Variants in FNDC3B observed in about 807,000 individuals in gnomAD.
FNDC3B encodes the protein fibronectin type III domain containing 3B.
A neutral mutation model predicts 151.5 loss-of-function variants in FNDC3B; 12 were observed. That is an observed-to-expected ratio of 0.08 (90% CI 0.05 to 0.13). The LOEUF (loss-of-function observed/expected upper bound fraction) is 0.13. Among genes scored for constraint, FNDC3B ranks in the 10% least tolerant of loss-of-function variants. The probability of loss-of-function intolerance (pLI) is 1.00; values close to 1 mark genes in which losing one functional copy is unlikely to be tolerated. For synonymous variants in FNDC3B, 528 were observed against 549.0 expected (o/e 0.96, Z 0.54); for missense variants, 1,214 against 1,505.3 (o/e 0.81, Z 3.20).
chr3:172,286,631 AT>A (rs1243064144), intron 7 of FNDC3B, among the ~76,000 whole-genome samples: 3 of 152,336 alleles, frequency 2.0e-5, no homozygotes, highest in Non-Finnish European at 2.9e-5. Flanking sequence ...GAGTCCAAAC[AT>A]GCCTCAGGGT....
intron 3 of FNDC3B, among the ~76,000 whole-genome samples, chr3:172,142,803 G>T (rs115583515): frequency 6.6e-5 from 10 of 152,202 alleles, no homozygotes; most frequent in East Asian, 5.8e-4. Context: ...AGACCGGGTG[G>T]CTTATTAACA....
At chr3:172,059,151 G>A (rs1001582467) in intron 1 of FNDC3B, among the ~76,000 whole-genome samples, 1 of 152,100 alleles carries the variant, frequency 6.6e-6, no homozygotes, top group Admixed American at 6.5e-5. Flanking sequence ...AATAAGTGTA[G>A]TACTAGTGTA....
Position 172,236,882 on chromosome 3 carries a change from C to T in FNDC3B, c.264+9935C>T, listed in dbSNP as rs183130036. On this transcript the variant is annotated intron_variant, in intron 4 of 25. Coordinates refer to ENST00000415807, the MANE Select transcript of FNDC3B (RefSeq NM_022763.4). ...GTACCACAGAGATCTGTATTTGTTT[C>T]CATTCTCCTGTCCAACCCTCAGGGG... Among the ~76,000 whole-genome samples the T allele has an allele frequency of 1.4e-4, 21 of 152,292 alleles. No individual in the cohort carries two copies. The East Asian group carries it at 3.5e-3, about 25-fold the overall frequency.
Position 172,099,077 on chromosome 3 carries a change from A to G in FNDC3B, c.-28-13375A>G, listed in dbSNP as rs564583234. Reference sequence around the variant, plus strand: ...AGATATTTTGGAGTTCCATTTATTTATAGCGGCCAGTGGAAAATTAATATG... The same window carrying G: ...AGATATTTTGGAGTTCCATTTATTTGTAGCGGCCAGTGGAAAATTAATATG... On this transcript the variant is annotated intron_variant, in intron 1 of 25. Transcript: ENST00000415807. 1.2e-4 allele frequency among the ~76,000 whole-genome samples: 18 copies of G among 152,336 alleles called. No individual in the cohort carries two copies. In the South Asian group the frequency reaches 3.7e-3, roughly 32 times the overall value.
intron 3 of FNDC3B, among the ~76,000 whole-genome samples, chr3:172,137,325 C>T (rs1305470738): frequency 3.3e-5 from 5 of 152,164 alleles, no homozygotes; most frequent in African/African-American, 1.2e-4. Flanking sequence ...ATTGTGATCT[C>T]ATTAAAAGGC....
intron 1 of FNDC3B, among the ~76,000 whole-genome samples, chr3:172,080,608 A>C (rs9853560): frequency 0.062 from 9,422 of 152,062 alleles, 1,013 homozygotes; most frequent in African/African-American, 0.22. Flanking sequence ...TCTAGTCTTG[A>C]AGGGATGGAA....
intron 22 of FNDC3B, among the ~76,000 whole-genome samples, chr3:172,360,369 T>C (rs1203260885): frequency 6.6e-6 from 1 of 152,226 alleles, no homozygotes; most frequent in Non-Finnish European, 1.5e-5. Flanking sequence ...TCAGATGTAA[T>C]ATTGGCACAT....
intron 7 of FNDC3B, among the ~76,000 whole-genome samples, chr3:172,294,714 G>C (rs1389589651): frequency 6.6e-6 from 1 of 152,240 alleles, no homozygotes. Context: ...GGAAGATGGA[G>C]TAGATTTTGT....
chr3:172,062,279 C>T (rs1717241482), intron 1 of FNDC3B, among the ~76,000 whole-genome samples: 1 of 151,822 alleles, frequency 6.6e-6, no homozygotes, highest in Admixed American at 6.6e-5. Context: ...GTTATTGGTC[C>T]CTAGTACCCC....
chr3:172,181,217 C>T (rs994708646), intron 3 of FNDC3B, among the ~76,000 whole-genome samples: 2 of 151,206 alleles, frequency 1.3e-5, no homozygotes, highest in African/African-American at 2.4e-5. Flanking sequence ...CTGGATACCA[C>T]GATGAAACCC....
At chr3:172,203,749 T>A (rs1296915100) in intron 3 of FNDC3B, among the ~76,000 whole-genome samples, 1 of 152,216 alleles carries the variant, frequency 6.6e-6, no homozygotes, top group African/African-American at 2.4e-5. Context: ...GCTGCTGCTC[T>A]TAGTGATTGG....
intron 6 of FNDC3B, among the ~76,000 whole-genome samples, chr3:172,254,108 C>CA (rs941594314): frequency 1.3e-5 from 2 of 152,090 alleles, no homozygotes; most frequent in Non-Finnish European, 2.9e-5. Flanking sequence ...TTATCACTTA[C>CA]AAAAAACAAA....
At chr3:172,176,761 A>T (rs1273309683) in intron 3 of FNDC3B, among the ~76,000 whole-genome samples, 1 of 152,210 alleles carries the variant, frequency 6.6e-6, no homozygotes, top group Admixed American at 6.5e-5. Flanking sequence ...AGAAAAAATT[A>T]TTCTGTGATA....
chr3:172,177,779 T>C (rs1403494865), intron 3 of FNDC3B, among the ~76,000 whole-genome samples: 3 of 152,038 alleles, frequency 2.0e-5, no homozygotes, highest in Non-Finnish European at 4.4e-5. Context: ...GGTGGTTTGC[T>C]GCACCTTAAC....
intron 8 of FNDC3B, among the ~76,000 whole-genome samples, chr3:172,296,891 TG>T (rs1323048702): frequency 1.3e-5 from 2 of 152,040 alleles, no homozygotes; most frequent in African/African-American, 2.4e-5. Flanking sequence ...ATACGCTCTG[TG>T]GGGGTGGGGT....
At chr3:172,153,722 G>C (rs961880517) in intron 3 of FNDC3B, among the ~76,000 whole-genome samples, 1 of 152,200 alleles carries the variant, frequency 6.6e-6, no homozygotes, top group African/African-American at 2.4e-5. Context: ...GCCCTAGGAA[G>C]GATTTCTTAT....
chr3:172,312,185 G>A (rs932382324), intron 11 of FNDC3B, among the ~76,000 whole-genome samples: 6 of 152,188 alleles, frequency 3.9e-5, no homozygotes, highest in East Asian at 3.8e-4. Context: ...AGAGAGGTCC[G>A]TCATCACTTT....
At chr3:172,223,856 T>C (rs1726416050) in intron 3 of FNDC3B, among the ~76,000 whole-genome samples, 1 of 152,230 alleles carries the variant, frequency 6.6e-6, no homozygotes, top group South Asian at 2.1e-4. Flanking sequence ...TAATGATAAC[T>C]AGTAACATTT....
At chr3:172,084,347 A>C (rs1241833226) in intron 1 of FNDC3B, among the ~76,000 whole-genome samples, 1 of 152,002 alleles carries the variant, frequency 6.6e-6, no homozygotes. Flanking sequence ...GCTATTCGGG[A>C]GGCAGAGGTC....
Sources: gnomAD v4.1 joint callset for allele counts (sites outside exome capture counted in the v4.1 genomes callset) on GRCh38, gnomAD v4.1.1 for gene constraint, MANE v1.5 for transcripts, NCBI Gene and HGNC (gene_info 2026-07-23, HGNC 2026-07-21) for gene names.